Variants in DPP6 observed in about 807,000 individuals in gnomAD.
The protein encoded by DPP6 is A-type potassium channel modulatory protein DPP6.
A neutral mutation model predicts 122.6 loss-of-function variants in DPP6; 69 were observed. The ratio of observed to expected loss-of-function variants is 0.56; its 90% CI spans 0.46 to 0.69. The LOEUF is 0.69. DPP6 is among the 30% of genes least tolerant of loss of function. The pLI is 0.00. For synonymous variants in DPP6, 418 were observed against 433.1 expected, an observed-to-expected ratio of 0.97 and a Z score of 0.43; for missense variants, 928 against 1,116.9, an observed-to-expected ratio of 0.83 and a Z score of 2.41.
chr7:154,486,121 CT>C lies in DPP6; in HGVS notation c.457+11085del, dbSNP rs200970867. Among the ~76,000 whole-genome samples, 583 of 151,540 alleles carry C rather than the reference CT, an allele frequency of 3.8e-3. 1 individual carries two copies. The highest frequency in any genetic ancestry group is 6.5e-3 in the Non-Finnish European group (440 of 67,908). ...TGCCTCCCCGGTCTCCTCACCACCCCTACTCATGGCCTCTATTTTGTTTTTT... is the reference window on the plus strand; with the variant it reads ...TGCCTCCCCGGTCTCCTCACCACCCCACTCATGGCCTCTATTTTGTTTTTT... On this transcript the variant is annotated intron_variant, in intron 3 of 25. Transcript: ENST00000377770. This position sits in a 1 kb window ranked among gnomAD's most constrained non-coding sequence, Gnocchi z 4.5.
rs71520167 is a variant in DPP6 at position 154,158,469 on chromosome 7, T to TAA, written c.243+105415_243+105416dup. 2.7e-4 allele frequency among the ~76,000 whole-genome samples: 41 copies of TAA among 149,274 alleles called. No individual in the cohort carries two copies. In the East Asian group the frequency reaches 4.1e-3, roughly 15 times the overall value. ...CTCTTGTCCTGTTTCTTCCTTTTTT[T>TAA]AAAAAAAAAATCTCCTAAATTTCTG... is the stretch of plus-strand genomic sequence containing the variant. On this transcript the variant is annotated intron_variant, in intron 1 of 25. Transcript: ENST00000377770.
At chr7:154,463,743 T>C (rs1333407878) in intron 2 of DPP6, among the ~76,000 whole-genome samples, 1 of 148,732 alleles carries the variant, frequency 6.7e-6, no homozygotes, top group Non-Finnish European at 1.5e-5. Flanking sequence ...TGTTTAGAAA[T>C]GTCATCCCAG....
At chr7:153,996,726 G>A (rs866117233) in intron 1 of DPP6, among the ~76,000 whole-genome samples, 3 of 151,920 alleles carry the variant, frequency 2.0e-5, no homozygotes, top group African/African-American at 7.2e-5. Flanking sequence ...TATTTAAATC[G>A]TCTCCAATAG....
intron 1 of DPP6, among the ~76,000 whole-genome samples, chr7:154,354,829 A>G (rs887453182): frequency 1.3e-5 from 2 of 151,898 alleles, no homozygotes; most frequent in African/African-American, 4.9e-5. Context: ...ATTATGCACA[A>G]TGCTGCGGGC....
chr7:153,904,205 C>T (rs1478010479), intron 1 of DPP6, among the ~76,000 whole-genome samples: 1 of 152,138 alleles, frequency 6.6e-6, no homozygotes, highest in Admixed American at 6.5e-5. Context: ...GCACGCACCA[C>T]TATGCCTGGC....
At chr7:154,051,230 G>A (rs1462483332), upstream of DPP6, among the ~76,000 whole-genome samples, 1 of 120,306 alleles carries the variant, frequency 8.3e-6, no homozygotes, top group Non-Finnish European at 1.8e-5. Context: ...GAAGGAGGCG[G>A]CGGAATGGGC....
chr7:154,064,708 A>C (rs1365573025), intron 1 of DPP6, among the ~76,000 whole-genome samples: 1 of 152,152 alleles, frequency 6.6e-6, no homozygotes, highest in African/African-American at 2.4e-5. Flanking sequence ...TTCTGCTCTA[A>C]GCTCATGAAG....
At chr7:154,277,494 AG>A (rs1244592193) in intron 1 of DPP6, among the ~76,000 whole-genome samples, 1 of 152,182 alleles carries the variant, frequency 6.6e-6, no homozygotes, top group Admixed American at 6.5e-5. Context: ...CTGGGCATGG[AG>A]GCTCACGCCT....
At chr7:154,666,183 GTA>G (rs377270855) in intron 6 of DPP6, among the ~76,000 whole-genome samples, 1,207 of 32,742 alleles carry the variant, frequency 0.037, 23 homozygotes, top group African/African-American at 0.091. Flanking sequence ...ATATATGTGT[GTA>G]TATATATATA....
chr7:153,963,142 A>G (rs1795443570), intron 1 of DPP6, among the ~76,000 whole-genome samples: 1 of 152,166 alleles, frequency 6.6e-6, no homozygotes, highest in Admixed American at 6.5e-5. Flanking sequence ...AAAGTAGAAA[A>G]TGAGAGTAAA....
intron 1 of DPP6, among the ~76,000 whole-genome samples, chr7:154,235,860 T>G (rs1801181154): frequency 6.6e-6 from 1 of 151,752 alleles, no homozygotes; most frequent in African/African-American, 2.4e-5. Context: ...TTTTATTTAT[T>G]TATTTATTTT....
At chr7:154,705,023 A>T (rs897321702) in intron 7 of DPP6, among the ~76,000 whole-genome samples, 1 of 152,100 alleles carries the variant, frequency 6.6e-6, no homozygotes, top group African/African-American at 2.4e-5. Context: ...CACGCCATTG[A>T]TGTGTATGTG....
At chr7:154,287,646 G>A (rs1183619447) in intron 1 of DPP6, among the ~76,000 whole-genome samples, 8 of 152,204 alleles carry the variant, frequency 5.3e-5, no homozygotes, top group East Asian at 1.9e-4. Context: ...TCCCCACAGC[G>A]GCCATCTGCT....
At chr7:154,800,011 A>T (rs965257507) in intron 12 of DPP6, among the ~76,000 whole-genome samples, 1 of 152,188 alleles carries the variant, frequency 6.6e-6, no homozygotes, top group Admixed American at 6.5e-5. Flanking sequence ...TTAATTATTT[A>T]TTACATTTAT....
the DPP6 span, among the ~76,000 whole-genome samples, chr7:153,803,291 A>G: frequency 1.3e-4 from 20 of 149,222 alleles, no homozygotes; most frequent in Admixed American, 1.3e-3. Context: ...ATTCAACATT[A>G]TTTTGGGGTG....
At chr7:154,587,440 C>T (rs1430054314) in intron 5 of DPP6, 5 of 612,458 alleles carry the variant, frequency 8.2e-6, no homozygotes, top group Non-Finnish European at 1.4e-5. Context: ...CCCTCCTGTG[C>T]ATCCCACACA....
chr7:154,595,409 G>A (rs892154889), intron 5 of DPP6, among the ~76,000 whole-genome samples: 2 of 152,098 alleles, frequency 1.3e-5, no homozygotes, highest in African/African-American at 2.4e-5. Flanking sequence ...GAACTCTTGG[G>A]CTTCCATTTT....
At chr7:154,366,108 T>TC (rs879257592) in intron 1 of DPP6, among the ~76,000 whole-genome samples, 1 of 152,078 alleles carries the variant, frequency 6.6e-6, no homozygotes, top group Non-Finnish European at 1.5e-5. Flanking sequence ...TATAACCTGC[T>TC]CCAGAGCCTG....
chr7:153,939,270 A>G (rs898743677), intron 1 of DPP6, among the ~76,000 whole-genome samples: 1 of 152,216 alleles, frequency 6.6e-6, no homozygotes, highest in Admixed American at 6.5e-5. Flanking sequence ...TAGATAACAC[A>G]CAGTCTATAA....
Sources: gnomAD v4.1 joint callset for allele counts (sites outside exome capture counted in the v4.1 genomes callset) on GRCh38, gnomAD v4.1.1 for gene constraint, Gnocchi (gnomAD v3.1) non-coding constraint, MANE v1.5 for transcripts, NCBI Gene and HGNC (gene_info 2026-07-23, HGNC 2026-07-21) for gene names.